The following METTL16 variants were observed in gnomAD, a reference collection of about 807,000 sequenced individuals.
METTL16 encodes the protein RNA N(6)-adenosine-methyltransferase METTL16.
METTL16 carries 19 observed loss-of-function variants against 57.9 expected under a neutral mutation model. The observed-to-expected ratio is 0.33, with a 90% CI of 0.23 to 0.48. The LOEUF (loss-of-function observed/expected upper bound fraction) is 0.48. Ranked by LOEUF, METTL16 falls within the 20% of genes least tolerant of loss-of-function variation. The pLI, the probability that METTL16 is intolerant of heterozygous loss-of-function variation, is 0.99. For missense variants in METTL16, 434 were observed against 691.5 expected (o/e 0.63, Z 4.18); for synonymous variants, 246 against 255.6 (o/e 0.96, Z 0.36).
At chr17:2,468,309 TCC>T (rs1411161456) in intron 4 of METTL16, among the ~76,000 whole-genome samples, 1 of 152,160 alleles carries the variant, frequency 6.6e-6, no homozygotes, top group Non-Finnish European at 1.5e-5. Context: ...TTAATTTCCC[TCC>T]CCTTAAGTAT....
chr17:2,494,922 C>T (rs891292069), intron 2 of METTL16, among the ~76,000 whole-genome samples: 4 of 151,892 alleles, frequency 2.6e-5, no homozygotes, highest in African/African-American at 4.8e-5. Context: ...CGTTTGAACC[C>T]GGGAGCCGGA....
At chr17:2,481,559 T>A (rs1301089265) in intron 2 of METTL16, among the ~76,000 whole-genome samples, 2 of 152,030 alleles carry the variant, frequency 1.3e-5, no homozygotes, top group Admixed American at 6.6e-5. Flanking sequence ...AACCACCAAG[T>A]TATGAGAGTG....
At chr17:2,466,288 T>C (rs1163835602) in intron 5 of METTL16, among the ~76,000 whole-genome samples, 1 of 151,886 alleles carries the variant, frequency 6.6e-6, no homozygotes, top group Non-Finnish European at 1.5e-5. Context: ...TGACCTGAGT[T>C]GGTCCAATGA....
intron 2 of METTL16, among the ~76,000 whole-genome samples, chr17:2,490,712 T>C (rs2067381535): frequency 6.6e-6 from 1 of 152,184 alleles, no homozygotes; most frequent in South Asian, 2.1e-4. Context: ...CACCAAAAGA[T>C]AGTGCTGCAG....
chr17:2,455,115 G>C (rs2067100403), intron 6 of METTL16: 1 of 162,254 alleles, frequency 6.2e-6, no homozygotes, highest in Admixed American at 7.0e-5. Context: ...TTGAGACGGA[G>C]TCTCACTCTG....
chr17:2,454,529 T>G (rs2067094432), intron 6 of METTL16, among the ~76,000 whole-genome samples: 1 of 151,704 alleles, frequency 6.6e-6, no homozygotes, highest in African/African-American at 2.4e-5. Flanking sequence ...AATTATTCAC[T>G]TTTTGACATG....
intron 8 of METTL16, among the ~76,000 whole-genome samples, chr17:2,422,238 G>GGAGCCAAAGGTTGCAGT (rs747887991): frequency 6.6e-5 from 10 of 151,642 alleles, no homozygotes; most frequent in African/African-American, 2.2e-4. Context: ...CTTGAACCCA[G>GGAGCCAAAGGTTGCAGT]GAGCCAAAGG....
Position 2,465,397 on chromosome 17 carries a change from A to C in METTL16, c.586-1047T>G, listed in dbSNP as rs556991838. Reference sequence around the variant, plus strand: ...TCTCTACTAAAAAAAAATACAAAAAATTAGCTGGGCGTGGTGGCTCACGCC... The same window carrying C: ...TCTCTACTAAAAAAAAATACAAAAACTTAGCTGGGCGTGGTGGCTCACGCC... On this transcript the variant is annotated intron_variant, in intron 5 of 9. Transcript: ENST00000263092. 5.9e-5 allele frequency among the ~76,000 whole-genome samples: 9 copies of C among 151,904 alleles called. No individual in the cohort carries two copies. In the South Asian group the frequency reaches 1.9e-3, roughly 32 times the overall value.
chr17:2,418,424 C>T lies in METTL16; in HGVS notation c.*1546G>A, dbSNP rs1330205423. ...TGGCCAACATGGTGAAATCCCATCT[C>T]TACCAAAAACACAAAATTAGCCAGG... On this transcript the variant is annotated 3_prime_UTR_variant, in exon 10 of 10. Transcript: ENST00000263092. The T allele has an allele frequency of 6.6e-6, 1 of 152,224 alleles. No individual in the cohort carries two copies. The highest frequency in any genetic ancestry group is 1.5e-5 in the Non-Finnish European group (1 of 68,086). 9.4% of individuals were successfully genotyped at this position (152,224 alleles called of 1,614,324 possible).
At chr17:2,467,586 T>C (rs980438807) in intron 5 of METTL16, among the ~76,000 whole-genome samples, 175 bp downstream of exon 5, 1 of 152,136 alleles carries the variant, frequency 6.6e-6, no homozygotes, top group East Asian at 1.9e-4. Context: ...CCATGACGCC[T>C]GGCTAATTTT....
chr17:2,473,234 T>A (rs952750192), intron 4 of METTL16, among the ~76,000 whole-genome samples: 3 of 152,066 alleles, frequency 2.0e-5, no homozygotes, highest in Non-Finnish European at 4.4e-5. Context: ...TTATAGCGAA[T>A]AAAGAAACAT....
chr17:2,424,599 C>T (rs976891500), intron 8 of METTL16, among the ~76,000 whole-genome samples: 4 of 152,094 alleles, frequency 2.6e-5, no homozygotes, highest in African/African-American at 4.8e-5. Flanking sequence ...CATGCACACA[C>T]ATCATCTCAG....
intron 1 of METTL16, among the ~76,000 whole-genome samples, chr17:2,505,249 T>C (rs1004656486): frequency 6.6e-6 from 1 of 151,936 alleles, no homozygotes; most frequent in Non-Finnish European, 1.5e-5. Flanking sequence ...ATTATTCTTC[T>C]AAACAATATT....
chr17:2,446,608 C>CCCTCTA (rs2066997503), intron 6 of METTL16, among the ~76,000 whole-genome samples: 3 of 151,934 alleles, frequency 2.0e-5, no homozygotes, highest in Non-Finnish European at 4.4e-5. Flanking sequence ...CTCTCCCTCT[C>CCCTCTA]CCTCTCCCTC....
intron 1 of METTL16, among the ~76,000 whole-genome samples, chr17:2,507,625 G>T (rs1420081063): frequency 2.6e-5 from 4 of 152,224 alleles, no homozygotes; most frequent in African/African-American, 7.2e-5. Context: ...TCTGGGTGGT[G>T]TACCCAACAG....
intron 2 of METTL16, among the ~76,000 whole-genome samples, chr17:2,478,821 C>T (rs1039983275): frequency 6.6e-5 from 10 of 152,140 alleles, no homozygotes; most frequent in African/African-American, 1.4e-4. Flanking sequence ...TTTTTATGGG[C>T]GAATAATGTT....
chr17:2,491,652 A>ACGG (rs2067391452), intron 2 of METTL16, among the ~76,000 whole-genome samples: 15 of 150,090 alleles, frequency 1.0e-4, no homozygotes, highest in South Asian at 6.4e-4. Flanking sequence ...AAGGCGGGTG[A>ACGG]ATCACGAGGT....
chr17:2,508,212 T>G (rs1246834181), intron 1 of METTL16, among the ~76,000 whole-genome samples: 13 of 152,244 alleles, frequency 8.5e-5, no homozygotes, highest in Admixed American at 8.5e-4. Context: ...GACATAATTT[T>G]ACATAGTCAT....
intron 1 of METTL16, among the ~76,000 whole-genome samples, chr17:2,509,056 C>A (rs1020741826): frequency 6.6e-6 from 1 of 151,836 alleles, no homozygotes; most frequent in South Asian, 2.1e-4. Context: ...TCTGACCCCA[C>A]AATCCAATCA....
Sources: gnomAD v4.1 joint callset for allele counts (sites outside exome capture counted in the v4.1 genomes callset) on GRCh38, gnomAD v4.1.1 for gene constraint, MANE v1.5 for transcripts, NCBI Gene and HGNC (gene_info 2026-07-23, HGNC 2026-07-21) for gene names.